The following DAGLA variants were observed in gnomAD, a reference collection of about 807,000 sequenced individuals.
DAGLA encodes diacylglycerol lipase-alpha.
DAGLA carries 22 observed loss-of-function variants against 102.6 expected under a neutral mutation model. The ratio of observed to expected loss-of-function variants is 0.21; its 90% CI spans 0.15 to 0.31. The LOEUF is 0.31. Ranked by LOEUF, DAGLA falls within the 10% of genes least tolerant of loss-of-function variation. DAGLA has a pLI of 1.00. For missense variants in DAGLA, 927 were observed against 1,446.6 expected, an observed-to-expected ratio of 0.64 and a Z score of 5.83; for synonymous variants, 578 against 628.9, an observed-to-expected ratio of 0.92 and a Z score of 1.21.
At chr11:61,717,540 A>C (rs1190292970) in intron 1 of DAGLA, among the ~76,000 whole-genome samples, 1 of 152,202 alleles carries the variant, frequency 6.6e-6, no homozygotes, top group Non-Finnish European at 1.5e-5. Context: ...GGACTTTAGG[A>C]GGTAGGGATA....
chr11:61,714,244 C>T (rs2065219088), intron 1 of DAGLA, among the ~76,000 whole-genome samples: 2 of 152,198 alleles, frequency 1.3e-5, no homozygotes, highest in African/African-American at 4.8e-5. Context: ...CATTCAGCAC[C>T]AGGCAGCTCT....
At chr11:61,729,032 C>T in intron 8 of DAGLA, 24 bp downstream of exon 8, 2 of 1,597,162 alleles carry the variant, frequency 1.3e-6, no homozygotes, top group South Asian at 2.2e-5. Flanking sequence ...CAACTCTCAC[C>T]CCACCCCGTC....
At chr11:61,690,461 G>A (rs2065014859) in intron 1 of DAGLA, among the ~76,000 whole-genome samples, 1 of 152,164 alleles carries the variant, frequency 6.6e-6, no homozygotes, top group Non-Finnish European at 1.5e-5. Flanking sequence ...AAAGCTATGT[G>A]GTGAGTCCTC....
At chr11:61,715,942 AG>A (rs948889612) in intron 1 of DAGLA, among the ~76,000 whole-genome samples, 1 of 151,766 alleles carries the variant, frequency 6.6e-6, no homozygotes, top group Admixed American at 6.6e-5. Flanking sequence ...ATCTAGCCAG[AG>A]GGGGGGGAGA....
At position 61,734,996 on chromosome 11, in the gene DAGLA, T is replaced by C; in HGVS notation, c.1122T>C (p.His374=). The C allele has an allele frequency of 6.2e-7, 1 of 1,613,036 alleles. No homozygotes were observed. Among genetic ancestry groups the C allele is most frequent in the Admixed American group, 1.7e-5 (1 of 59,994 alleles). The change falls in exon 10 of 20, where the codon CAT becomes CAC. Residue 374 remains histidine (H), a synonymous_variant. Coordinates refer to ENST00000257215, the MANE Select transcript of DAGLA (RefSeq NM_006133.3). This position sits in a 1 kb window ranked among gnomAD's most constrained non-coding sequence, Gnocchi z 4.2. ...TAVDIVYTSC[H]DAVYETPFYV... is the part of the protein sequence containing the mutation. ...TGGACATCGTCTATACCTCCTGCCA[T>C]GATGCGGTGAGGCCGGGCAGGGCTG...
chr11:61,743,917 A>T lies in DAGLA; in HGVS notation c.2557A>T (p.Thr853Ser), dbSNP rs1190235890. The change falls in exon 20 of 20, where the codon ACG (threonine) becomes TCG (serine). Residue 853 changes from threonine to serine, a missense_variant. Coordinates refer to ENST00000257215, the MANE Select transcript of DAGLA (RefSeq NM_006133.3). The part of the protein sequence containing the change: ...ADSLSKHSQD[T>S]QPLEAALGSG... ...CAGCCTGTCCAAGCACTCACAGGAC[A>T]CGCAGCCCCTGGAGGCGGCCCTGGG... is the stretch of plus-strand genomic sequence containing the variant. 6.2e-7 allele frequency: 1 copy of T among 1,612,132 alleles called. No individual in the cohort carries two copies. The highest frequency in any genetic ancestry group is 1.3e-5 in the African/African-American group (1 of 74,910).
At chr11:61,699,461 A>G (rs1263071257) in intron 1 of DAGLA, among the ~76,000 whole-genome samples, 1 of 151,958 alleles carries the variant, frequency 6.6e-6, no homozygotes, top group Non-Finnish European at 1.5e-5. Flanking sequence ...TTCTGTGCCA[A>G]ATCCTTTCTC....
rs779390715 is a variant in DAGLA at position 61,737,268 on chromosome 11, C to T, written c.1458C>T (p.Arg486=). The change falls in exon 14 of 20, where the codon CGC becomes CGT. Residue 486 remains arginine, a synonymous_variant. Coordinates refer to ENST00000257215, the MANE Select transcript of DAGLA (RefSeq NM_006133.3). Reference sequence around the variant, plus strand: ...CTGCCATCCTCTCCTTCCTTCTGCGCCCACAGTATCCGACCCTCAAGTGCT... The same window carrying T: ...CTGCCATCCTCTCCTTCCTTCTGCGTCCACAGTATCCGACCCTCAAGTGCT... ...GTAAILSFLL[R]PQYPTLKCFA... is the part of the protein sequence containing the mutation. 3 of 1,613,004 alleles carry T rather than the reference C, an allele frequency of 1.9e-6. No homozygotes were observed. Among genetic ancestry groups the T allele is most frequent in the Non-Finnish European group, 2.5e-6 (3 of 1,180,036 alleles).
chr11:61,711,489 C>G (rs1043569283), intron 1 of DAGLA, among the ~76,000 whole-genome samples: 1 of 152,190 alleles, frequency 6.6e-6, no homozygotes, highest in Non-Finnish European at 1.5e-5. Context: ...ATGTGAATCC[C>G]CCTGGGAAGA....
chr11:61,725,901 T>C (rs2065321645), intron 5 of DAGLA, 94 bp from the exon 6 acceptor site: 2 of 1,210,134 alleles, frequency 1.7e-6, no homozygotes, highest in African/African-American at 3.0e-5. Context: ...GGTAGGGTCC[T>C]GGGAACAGCC....
rs1430466681 is a variant in DAGLA at position 61,728,433 on chromosome 11, T to C, written c.771+146T>C. On this transcript the variant is annotated intron_variant, in intron 7 of 19. Coordinates refer to ENST00000257215, the MANE Select transcript of DAGLA (RefSeq NM_006133.3). Reference sequence around the variant, plus strand: ...CTCTCTTGGACCCTGGAGGTCACCTTTACCTCTGGCTCCCCCTGCCTTCCT... The same window carrying C: ...CTCTCTTGGACCCTGGAGGTCACCTCTACCTCTGGCTCCCCCTGCCTTCCT... 1.2e-5 allele frequency: 12 copies of C among 996,820 alleles called. No homozygotes were observed. The Admixed American group carries it at 1.2e-4, about 10-fold the overall frequency. The allele number at this position is 996,820 out of a possible 1,614,324, so 61.7% of individuals were successfully genotyped here. A position where few individuals can be genotyped will look rare whatever the true frequency, so the allele number is the denominator to read the frequency against.
intron 2 of DAGLA, 116 bp downstream of exon 2, chr11:61,720,366 C>T (rs1421936985): frequency 6.8e-6 from 7 of 1,027,262 alleles, no homozygotes; most frequent in South Asian, 4.1e-5. Context: ...TGTCATGCCC[C>T]CAGCTGCCCG....
At position 61,684,946 on chromosome 11, in the gene DAGLA, C is replaced by T. The variant is rs368182735; in HGVS notation, c.-45+4442C>T. On this transcript the variant is annotated intron_variant, in intron 1 of 19. Coordinates refer to ENST00000257215, the MANE Select transcript of DAGLA (RefSeq NM_006133.3). This position sits in a 1 kb window ranked among gnomAD's most constrained non-coding sequence, Gnocchi z 4.5. ...TGTTATGACTCTTTACATGAGGAGC[C>T]GAGTGCTTTCTCAGTATTCCTTAGA... 3.1e-4 allele frequency among the ~76,000 whole-genome samples: 47 copies of T among 152,122 alleles called. 1 individual carries two copies. Among genetic ancestry groups the T allele is most frequent in the East Asian group, 2.5e-3 (13 of 5,182 alleles).
chr11:61,722,807 C>T, intron 3 of DAGLA, 52 bp from the exon 4 acceptor site: 3 of 1,493,050 alleles, frequency 2.0e-6, no homozygotes, highest in Non-Finnish European at 2.8e-6. Context: ...CTAGGCCCTT[C>T]CCTGGCATGC....
intron 1 of DAGLA, among the ~76,000 whole-genome samples, chr11:61,693,215 C>G (rs1279966759): frequency 6.6e-6 from 1 of 151,818 alleles, no homozygotes; most frequent in Non-Finnish European, 1.5e-5. Flanking sequence ...AGGCTGGTCT[C>G]GAACTCCTGG....
At chr11:61,741,848 G>T (rs1200795565) in intron 19 of DAGLA, among the ~76,000 whole-genome samples, 1 of 152,110 alleles carries the variant, frequency 6.6e-6, no homozygotes, top group Non-Finnish European at 1.5e-5. Context: ...CTGACCTCAG[G>T]TGATCTGCCC....
chr11:61,731,475 A>C, intron 9 of DAGLA, 34 bp downstream of exon 9: 1 of 1,608,976 alleles, frequency 6.2e-7, no homozygotes, highest in Non-Finnish European at 8.5e-7. Context: ...CAGCGATTGC[A>C]CCTCTCCTCC....
intron 18 of DAGLA, 93 bp from the exon 19 acceptor site, chr11:61,741,069 G>T: frequency 7.9e-7 from 1 of 1,269,030 alleles, no homozygotes; most frequent in Non-Finnish European, 1.1e-6. Flanking sequence ...GGCTTTGCTT[G>T]GCCTGAGAGG....
intron 1 of DAGLA, among the ~76,000 whole-genome samples, chr11:61,692,766 G>T (rs1362511294): frequency 6.6e-6 from 1 of 151,988 alleles, no homozygotes; most frequent in Non-Finnish European, 1.5e-5. Flanking sequence ...ACATCCCCGA[G>T]TAGAGAGTTG....
Sources: gnomAD v4.1 joint callset for allele counts (sites outside exome capture counted in the v4.1 genomes callset) on GRCh38, gnomAD v4.1.1 for gene constraint, Gnocchi (gnomAD v3.1) non-coding constraint, MANE v1.5 for transcripts, NCBI Gene and HGNC (gene_info 2026-07-23, HGNC 2026-07-21) for gene names.